APP: variants seen among roughly 807,000 people sequenced by gnomAD.
APP encodes amyloid-beta precursor protein.
APP carries 31 observed loss-of-function variants against 101.4 expected under a neutral mutation model. That is an observed-to-expected ratio of 0.31 (90% confidence interval 0.23 to 0.41). The LOEUF (loss-of-function observed/expected upper bound fraction) is 0.41, where lower values mean the gene tolerates loss of function less well. Ranked by LOEUF, APP falls within the 10% of genes least tolerant of loss-of-function variation. The probability of loss-of-function intolerance (pLI) is 1.00; values close to 1 mark genes in which losing one functional copy is unlikely to be tolerated. For missense variants in APP, 839 were observed against 1,003.7 expected (o/e 0.84, Z 2.22); for synonymous variants, 366 against 364.4 (o/e 1.00, Z -0.05).
intron 6 of APP, among the ~76,000 whole-genome samples, chr21:26,014,142 G>A (rs972436388): frequency 2.0e-5 from 3 of 152,172 alleles, no homozygotes; most frequent in Non-Finnish European, 4.4e-5. Flanking sequence ...TGGAGCTTTA[G>A]TTTCATTTTT....
chr21:25,969,668 T>C (rs1459705612), intron 11 of APP, among the ~76,000 whole-genome samples: 1 of 151,594 alleles, frequency 6.6e-6, no homozygotes, highest in African/African-American at 2.4e-5. Context: ...AGCGAGACCC[T>C]GTCTTTACAA....
intron 6 of APP, among the ~76,000 whole-genome samples, chr21:26,015,787 G>A (rs1005475470): frequency 1.3e-3 from 1 of 798 alleles, no homozygotes; most frequent in African/African-American, 6.3e-3. Context: ...GAGAATCAGG[G>A]GTTAGCAAAT....
At chr21:26,143,317 A>G (rs887474664) in intron 1 of APP, among the ~76,000 whole-genome samples, 4 of 152,164 alleles carry the variant, frequency 2.6e-5, no homozygotes, top group East Asian at 1.9e-4. Context: ...AAAAAATAAT[A>G]ATGATGATGA....
At chr21:25,883,259 C>T (rs910210121) in intron 17 of APP, among the ~76,000 whole-genome samples, 7 of 151,506 alleles carry the variant, frequency 4.6e-5, no homozygotes, top group Non-Finnish European at 1.0e-4. Flanking sequence ...AAAAATTAGC[C>T]AGGCGTGGTG....
At chr21:26,114,453 A>G (rs1175730429) in intron 1 of APP, among the ~76,000 whole-genome samples, 6 of 152,164 alleles carry the variant, frequency 3.9e-5, no homozygotes, top group Non-Finnish European at 8.8e-5. Context: ...AGACTTAAAG[A>G]TGCTGCAACT....
Position 25,975,181 on chromosome 21 carries a change from C to A in APP, c.1347G>T (p.Glu449Asp). Residue 449 changes from glutamate (E) to aspartate (D), a missense_variant, in exon 11 of 18, where the codon GAG becomes GAT. By Grantham distance (45) the Glu-to-Asp change is conservative (BLOSUM62 2). Coordinates refer to ENST00000346798, the MANE Select transcript of APP (RefSeq NM_000484.4). The stretch of plus-strand genomic sequence containing the variant: ...TGTGTGTCTCCACCAGCTGCTGTCT[C>A]TCGTTGGCTGCTTCCTGTTCCAAAG... ...VESLEQEAAN[E>D]RQQLVETHMA... The A allele has an allele frequency of 6.2e-7, 1 of 1,614,206 alleles. No homozygotes were observed. The highest frequency in any genetic ancestry group is 1.1e-5 in the South Asian group (1 of 91,088).
chr21:25,916,165 A>T (rs767303166), intron 13 of APP, among the ~76,000 whole-genome samples: 3 of 152,014 alleles, frequency 2.0e-5, no homozygotes, highest in Non-Finnish European at 4.4e-5. Flanking sequence ...CCATGACCGG[A>T]TAGTTTTTAT....
At chr21:26,126,326 C>G (rs2062684120) in intron 1 of APP, among the ~76,000 whole-genome samples, 1 of 152,172 alleles carries the variant, frequency 6.6e-6, no homozygotes, top group Non-Finnish European at 1.5e-5. Flanking sequence ...ATGGCTGTTT[C>G]TAAAGAGGGA....
At chr21:26,082,187 C>A (rs1234978466) in intron 3 of APP, among the ~76,000 whole-genome samples, 1 of 152,104 alleles carries the variant, frequency 6.6e-6, no homozygotes, top group East Asian at 1.9e-4. Flanking sequence ...CCATTGCACT[C>A]CAGCCGGGGC....
chr21:25,897,367 G>A (rs926001672), intron 16 of APP, among the ~76,000 whole-genome samples: 2 of 152,184 alleles, frequency 1.3e-5, no homozygotes, highest in African/African-American at 2.4e-5. Flanking sequence ...ACCCGCCTTG[G>A]CCTCCCAAAG....
intron 15 of APP, among the ~76,000 whole-genome samples, chr21:25,899,009 G>T (rs1356881005): frequency 6.6e-6 from 1 of 152,180 alleles, no homozygotes; most frequent in Non-Finnish European, 1.5e-5. Flanking sequence ...CAAAACCTAG[G>T]AAATCCACGC....
At chr21:26,044,758 C>T (rs182542098) in intron 5 of APP, among the ~76,000 whole-genome samples, 301 of 152,206 alleles carry the variant, frequency 2.0e-3, no homozygotes, top group Non-Finnish European at 3.3e-3. Context: ...AGGCTGGTCT[C>T]GAACTCCCAA....
chr21:26,111,193 G>C (rs2062314052), intron 2 of APP, among the ~76,000 whole-genome samples: 1 of 150,912 alleles, frequency 6.6e-6, no homozygotes, highest in Admixed American at 6.6e-5. Context: ...AAATAAATCA[G>C]GAACAATGAA....
chr21:26,150,618 C>CAGATAGATAGAT (rs549065806), intron 1 of APP, among the ~76,000 whole-genome samples: 2 of 151,004 alleles, frequency 1.3e-5, no homozygotes, highest in South Asian at 2.1e-4. Flanking sequence ...GATAGATAGA[C>CAGATAGATAGAT]AGATAGATAG....
rs138184675 is a variant in APP at position 26,119,668 on chromosome 21, G to C, written c.58-7522C>G. Among the ~76,000 whole-genome samples the C allele has an allele frequency of 2.0e-5, 3 of 149,488 alleles. No homozygotes were observed. The East Asian group carries it at 6.0e-4, about 30-fold the overall frequency. On this transcript the variant is annotated intron_variant, in intron 1 of 17. Coordinates refer to ENST00000346798, the MANE Select transcript of APP (RefSeq NM_000484.4). ...TATACAGCTACTTGTATGGTATGTA[G>C]TGGGAGTGCTAGAATGAACACACAC...
rs531467912 is a variant in APP at position 25,884,425 on chromosome 21, GAT to G, written c.2212-2656_2212-2655del. 7.2e-5 allele frequency among the ~76,000 whole-genome samples: 11 copies of G among 152,348 alleles called. No homozygotes were observed. The South Asian group carries it at 2.3e-3, about 32-fold the overall frequency. On this transcript the variant is annotated intron_variant, in intron 17 of 17. Transcript: ENST00000346798. ...ACTGTCCTTCTGGGAGCAAATCACA[GAT>G]ATTTTCCTTATCCTCTCCTCTTTCC...
At chr21:26,166,488 T>C (rs1806310525) in intron 1 of APP, among the ~76,000 whole-genome samples, 1 of 152,224 alleles carries the variant, frequency 6.6e-6, no homozygotes, top group Non-Finnish European at 1.5e-5. Context: ...AGCCCTTTTC[T>C]GTCTACAAAG....
chr21:25,881,381 G>A lies in APP; in HGVS notation c.*289C>T, dbSNP rs199534609. The A allele has an allele frequency of 8.5e-6, 4 of 472,568 alleles. No homozygotes were observed. Among genetic ancestry groups the A allele is most frequent in the Non-Finnish European group, 1.6e-5 (4 of 257,834 alleles). 29.3% of individuals were successfully genotyped at this position (472,568 alleles called of 1,614,324 possible). On this transcript the variant is annotated 3_prime_UTR_variant, in exon 18 of 18. Transcript: ENST00000346798. ...GGCTATGTGATAAATAATCAGGAGA[G>A]AATCTATTCATGCACTAGTTTGATA...
intron 1 of APP, chr21:26,140,179 C>T: frequency 3.9e-6 from 6 of 1,535,812 alleles, no homozygotes; most frequent in Non-Finnish European, 5.2e-6. Context: ...ACCAACAAGT[C>T]CTCTAATTGG....
Sources: allele counts gnomAD v4.1 joint callset (sites outside exome capture counted in the v4.1 genomes callset), GRCh38; gene constraint gnomAD v4.1.1; transcripts MANE v1.5; gene names NCBI Gene and HGNC (gene_info 2026-07-23, HGNC 2026-07-21).